ERBIN: variants seen among roughly 807,000 people sequenced by gnomAD.
The protein encoded by ERBIN is erbb2 interacting protein.
A neutral mutation model predicts 158.4 loss-of-function variants in ERBIN; 60 were observed. The observed-to-expected ratio is 0.38, with a 90% CI of 0.31 to 0.47. The LOEUF (loss-of-function observed/expected upper bound fraction) is 0.47. Among genes scored for constraint, ERBIN ranks in the 20% least tolerant of loss-of-function variants. The pLI is 0.99. For synonymous variants in ERBIN, 594 were observed against 557.2 expected, an observed-to-expected ratio of 1.07 and a Z score of -0.93; for missense variants, 1,610 against 1,648.0, an observed-to-expected ratio of 0.98 and a Z score of 0.40.
intron 1 of ERBIN, among the ~76,000 whole-genome samples, chr5:65,936,021 C>T (rs1431565646): frequency 6.6e-6 from 1 of 152,016 alleles, no homozygotes; most frequent in African/African-American, 2.4e-5. Context: ...GCCACTGCAC[C>T]CAGCTGTGGT....
At chr5:66,045,168 AT>A (rs1758304039) in intron 17 of ERBIN, among the ~76,000 whole-genome samples, 2 of 152,014 alleles carry the variant, frequency 1.3e-5, no homozygotes, top group Non-Finnish European at 2.9e-5. Context: ...GCAGTGAGCT[AT>A]GATCATGCCA....
chr5:66,053,163 T>A (rs913524992), intron 20 of ERBIN, among the ~76,000 whole-genome samples: 2 of 152,202 alleles, frequency 1.3e-5, no homozygotes, highest in Non-Finnish European at 2.9e-5. Flanking sequence ...AGTGTATTGA[T>A]GAAAATTAAT....
chr5:65,936,662 A>G (rs1744115850), intron 1 of ERBIN, among the ~76,000 whole-genome samples: 1 of 152,222 alleles, frequency 6.6e-6, no homozygotes. Context: ...AGGGTAGGAT[A>G]GGAAGGCTGG....
At chr5:66,002,378 C>G (rs1016755033) in intron 4 of ERBIN, among the ~76,000 whole-genome samples, 1 of 152,152 alleles carries the variant, frequency 6.6e-6, no homozygotes. Flanking sequence ...TCTGCTGTTG[C>G]AATCAAATGG....
chr5:66,023,297 T>C lies in ERBIN; in HGVS notation c.605T>C (p.Val202Ala). ...GSNEFTEVPE[V>A]LEQLSGLKEF... ...CTACCCTAATCCCAACAGCCTGAAGTACTTGAGCAACTAAGTGGATTGAAA... is the reference window on the plus strand; with the variant it reads ...CTACCCTAATCCCAACAGCCTGAAGCACTTGAGCAACTAAGTGGATTGAAA... Residue 202 changes from valine (V) to alanine (A), a missense_variant, in exon 9 of 26, where the codon GTA becomes GCA. By Grantham distance (64) the Val-to-Ala change is moderately conservative (BLOSUM62 0). This residue lies in a region of ERBIN where 596 missense variants were observed against 711.9 expected (regional missense o/e 0.84). Transcript: ENST00000284037. 1 of 1,612,882 alleles carries C rather than the reference T, an allele frequency of 6.2e-7. No homozygotes were observed. The highest frequency in any genetic ancestry group is 8.5e-7 in the Non-Finnish European group (1 of 1,179,126).
chr5:66,026,125 A>T (rs1191986551), intron 12 of ERBIN, 148 bp downstream of exon 12: 1 of 807,412 alleles, frequency 1.2e-6, no homozygotes, highest in African/African-American at 1.8e-5. Context: ...ATGTTAATTT[A>T]GAAGAGGTTC....
At chr5:66,075,685 ATAATAT>A (rs1317840611) in intron 23 of ERBIN, among the ~76,000 whole-genome samples, 1 of 152,200 alleles carries the variant, frequency 6.6e-6, no homozygotes, top group African/African-American at 2.4e-5. Context: ...TAATAAAATG[ATAATAT>A]TAGAAAGGTA....
chr5:66,066,005 C>A (rs1266382881), intron 21 of ERBIN, among the ~76,000 whole-genome samples: 1 of 151,874 alleles, frequency 6.6e-6, no homozygotes, highest in Non-Finnish European at 1.5e-5. Flanking sequence ...GAGTAATTTG[C>A]CAGTGAAAAT....
At chr5:65,981,070 T>C (rs1750606266) in intron 1 of ERBIN, among the ~76,000 whole-genome samples, 2 of 152,210 alleles carry the variant, frequency 1.3e-5, no homozygotes, top group Non-Finnish European at 2.9e-5. Context: ...TTTCAAAGGC[T>C]TGAAATGATA....
intron 20 of ERBIN, among the ~76,000 whole-genome samples, chr5:66,052,276 T>A (rs1191484070): frequency 6.6e-6 from 1 of 151,872 alleles, no homozygotes; most frequent in Non-Finnish European, 1.5e-5. Flanking sequence ...TCATTTAGAG[T>A]TGTTCTTAAA....
intron 14 of ERBIN, among the ~76,000 whole-genome samples, chr5:66,037,902 G>A (rs1580428498): frequency 1.3e-5 from 2 of 152,162 alleles, no homozygotes; most frequent in South Asian, 2.1e-4. Context: ...AGAAAAAGAA[G>A]CAGCTGATTG....
chr5:66,068,955 G>GA (rs1761278933), intron 21 of ERBIN: 1 of 1,535,648 alleles, frequency 6.5e-7, no homozygotes, highest in Non-Finnish European at 8.7e-7. Flanking sequence ...GGATCTGCAT[G>GA]GCAGCCAGGG....
At chr5:66,073,273 A>G (rs1488873829) in intron 22 of ERBIN, among the ~76,000 whole-genome samples, 2 of 152,224 alleles carry the variant, frequency 1.3e-5, no homozygotes, top group African/African-American at 4.8e-5. Context: ...AATAAATGGT[A>G]TAAACGTAGA....
chr5:65,930,266 A>G (rs1471555562), intron 1 of ERBIN, among the ~76,000 whole-genome samples: 1 of 152,156 alleles, frequency 6.6e-6, no homozygotes, highest in African/African-American at 2.4e-5. Context: ...CATTTCAACT[A>G]AGTGTACATG....
At chr5:65,976,427 C>T (rs370641435) in intron 1 of ERBIN, among the ~76,000 whole-genome samples, 45 of 152,118 alleles carry the variant, frequency 3.0e-4, no homozygotes, top group African/African-American at 9.2e-4. Context: ...GAGCTGAGAT[C>T]GCACCACTGT....
chr5:65,975,597 C>T (rs981945640), intron 1 of ERBIN, among the ~76,000 whole-genome samples: 21 of 152,166 alleles, frequency 1.4e-4, no homozygotes, highest in African/African-American at 4.6e-4. Context: ...TGGGCCACTG[C>T]GCCCGGCTAG....
chr5:65,977,401 G>A (rs1386629670), intron 1 of ERBIN, among the ~76,000 whole-genome samples: 22 of 151,912 alleles, frequency 1.4e-4, no homozygotes, highest in African/African-American at 4.8e-4. Flanking sequence ...CTTCTCAGAC[G>A]GGGCGGCTGC....
chr5:65,996,244 G>GT (rs34947686), intron 4 of ERBIN, among the ~76,000 whole-genome samples: 1,957 of 101,110 alleles, frequency 0.019, 48 homozygotes, highest in African/African-American at 0.051. Flanking sequence ...TTTCCTAGTA[G>GT]TTTTTTTTTT....
chr5:65,967,774 CAAG>C (rs1191639763), intron 1 of ERBIN, among the ~76,000 whole-genome samples: 14 of 152,144 alleles, frequency 9.2e-5, no homozygotes, highest in African/African-American at 3.4e-4. Context: ...TATTATAAAC[CAAG>C]AAGAGTCATC....
Sources: gnomAD v4.1 joint callset for allele counts (sites outside exome capture counted in the v4.1 genomes callset) on GRCh38, gnomAD v4.1.1 for gene constraint, gnomAD v4.1.1 regional missense constraint, MANE v1.5 for transcripts, NCBI Gene and HGNC (gene_info 2026-07-23, HGNC 2026-07-21) for gene names.